The following CAD variants were observed in gnomAD, a reference collection of about 807,000 sequenced individuals.
The protein encoded by CAD is multifunctional protein CAD.
In CAD, 81 loss-of-function variants were observed where a neutral mutation model predicts 237.2. That is an observed-to-expected ratio of 0.34 (90% CI 0.29 to 0.41). The LOEUF (loss-of-function observed/expected upper bound fraction) is 0.41, where lower values mean the gene tolerates loss of function less well. Ranked by LOEUF, CAD falls within the 10% of genes least tolerant of loss-of-function variation. The pLI, the probability that CAD is intolerant of heterozygous loss-of-function variation, is 1.00. For synonymous variants in CAD, 1,196 were observed against 1,162.8 expected (o/e 1.03, Z -0.58); for missense variants, 2,181 against 2,951.7 (o/e 0.74, Z 6.05).
At chr2:27,224,102 T>C in intron 8 of CAD, 73 bp downstream of exon 8, 1 of 1,143,052 alleles carries the variant, frequency 8.7e-7, no homozygotes, top group Non-Finnish European at 1.3e-6. Flanking sequence ...AAGGTGGACA[T>C]GCCCTGGGCA....
chr2:27,236,020 T>G lies in CAD; in HGVS notation c.4075-264T>G. On this transcript the variant is annotated intron_variant, in intron 25 of 43. Coordinates refer to ENST00000264705, the MANE Select transcript of CAD (RefSeq NM_004341.5). This position sits in a 1 kb window ranked among gnomAD's most constrained non-coding sequence, Gnocchi z 4.1. Reference sequence around the variant, plus strand: ...AAATCTCTGTACCACTGTTCTGATATTTTTCCTTCCAGGATTTTCTCTGTG... The same window carrying G: ...AAATCTCTGTACCACTGTTCTGATAGTTTTCCTTCCAGGATTTTCTCTGTG... 1 of 541,542 alleles carries G rather than the reference T, an allele frequency of 1.8e-6. No individual in the cohort carries two copies. The highest frequency in any genetic ancestry group is 3.3e-6 in the Non-Finnish European group (1 of 306,244). 33.5% of individuals were successfully genotyped at this position (541,542 alleles called of 1,614,324 possible).
intron 3 of CAD, among the ~76,000 whole-genome samples, chr2:27,221,622 C>T (rs2148057783): frequency 6.6e-6 from 1 of 152,210 alleles, no homozygotes; most frequent in Middle Eastern, 3.4e-3. Context: ...GACATCATAT[C>T]ATTTCATCTA....
At chr2:27,218,073 T>G (rs530406817) in intron 2 of CAD, 57 bp downstream of exon 2, 2 of 1,486,156 alleles carry the variant, frequency 1.3e-6, no homozygotes, top group South Asian at 2.6e-5. Flanking sequence ...TTGTTAACTA[T>G]TAGTGAAGTA....
rs1675820010 is a variant in CAD at position 27,232,747 on chromosome 2, C to T, written c.2892+53C>T. 6.2e-7 allele frequency: 1 copy of T among 1,607,234 alleles called. No homozygotes were observed. The highest frequency in any genetic ancestry group is 8.5e-7 in the Non-Finnish European group (1 of 1,174,804). On this transcript the variant is annotated intron_variant, in intron 18 of 43. Coordinates refer to ENST00000264705, the MANE Select transcript of CAD (RefSeq NM_004341.5). The surrounding 1 kb of genome is among the most constrained non-coding windows in gnomAD (Gnocchi z 4.1). The stretch of plus-strand genomic sequence containing the variant: ...TCCTTGCTATTCTGTTCATCTCTAG[C>T]AATTGCTTGGCACTAATCCTGGCAT...
intron 14 of CAD, 33 bp from the exon 15 acceptor site, chr2:27,226,799 T>C: frequency 2.5e-6 from 4 of 1,613,172 alleles, no homozygotes. Context: ...CTTCCTTCAC[T>C]GTCCTTCTGG....
Position 27,226,286 on chromosome 2 carries a change from T to C in CAD, c.1998T>C (p.Asn666=), listed in dbSNP as rs1234330781. Residue 666 remains asparagine (N), a synonymous_variant, in exon 13 of 44, where the codon AAT becomes AAC. Transcript: ENST00000264705. ...ACCTGGGAATTGTTGGGGAGTGCAA[T>C]GTGCAGTATGCCTTGAACCCTGAGT... ...TQHLGIVGEC[N]VQYALNPESE... 6.2e-7 allele frequency: 1 copy of C among 1,614,188 alleles called. No homozygotes were observed. Among genetic ancestry groups the C allele is most frequent in the Admixed American group, 1.7e-5 (1 of 60,030 alleles).
At chr2:27,230,542 C>T (rs992652312) in intron 15 of CAD, among the ~76,000 whole-genome samples, 1 of 152,018 alleles carries the variant, frequency 6.6e-6, no homozygotes, top group African/African-American at 2.4e-5. Context: ...AGGAGAATCT[C>T]TTGAACCCAG....
chr2:27,225,450 G>C (rs1230788744), intron 11 of CAD, among the ~76,000 whole-genome samples: 1 of 151,858 alleles, frequency 6.6e-6, no homozygotes, highest in Non-Finnish European at 1.5e-5. Flanking sequence ...GGGATTACTG[G>C]CATGCGCCAC....
Position 27,235,337 on chromosome 2 carries a change from G to A in CAD, c.3879G>A (p.Glu1293=). The part of the protein sequence containing the change: ...TSTGEVAGFG[E]SRCEAYLKAM... The stretch of plus-strand genomic sequence containing the variant: ...CTGGGGAGGTGGCCGGCTTTGGGGA[G>A]AGCCGCTGTGAGGCATACCTCAAGG... The change falls in exon 24 of 44, where the codon GAG becomes GAA. Residue 1293 remains glutamate (E), a synonymous_variant. Transcript: ENST00000264705. This position sits in a 1 kb window ranked among gnomAD's most constrained non-coding sequence, Gnocchi z 5.2. 1 of 1,614,096 alleles carries A rather than the reference G, an allele frequency of 6.2e-7. No homozygotes were observed. The highest frequency in any genetic ancestry group is 8.5e-7 in the Non-Finnish European group (1 of 1,180,020).
At chr2:27,221,158 G>T in intron 2 of CAD, 60 bp from the exon 3 acceptor site, 1 of 1,446,102 alleles carries the variant, frequency 6.9e-7, no homozygotes, top group Non-Finnish European at 9.2e-7. Flanking sequence ...ACACAATCGG[G>T]AAAATGCTGC....
chr2:27,236,943 C>G lies in CAD; in HGVS notation c.4396+113C>G. The G allele has an allele frequency of 1.2e-6, 1 of 835,790 alleles. No homozygotes were observed. Among genetic ancestry groups the G allele is most frequent in the East Asian group, 2.4e-5 (1 of 40,992 alleles). The allele number at this position is 835,790 out of a possible 1,614,324, so 51.8% of individuals were successfully genotyped here. A position where few individuals can be genotyped will look rare whatever the true frequency, so the allele number is the denominator to read the frequency against. On this transcript the variant is annotated intron_variant, in intron 27 of 43. Coordinates refer to ENST00000264705, the MANE Select transcript of CAD (RefSeq NM_004341.5). This position sits in a 1 kb window ranked among gnomAD's most constrained non-coding sequence, Gnocchi z 4.1. ...CACTCTTTGTCCTGGACTGCACAGA[C>G]TGTGAAGACCCCAGAATGTTTCTCA...
Position 27,238,206 on chromosome 2 carries a change from T to G in CAD, c.4860+19T>G, listed in dbSNP as rs1379992704. ...GGAGGAGGTAAGAGTACACCTGAGA[T>G]CCTGCTGTCCCTGTTGCTTTCCCAG... On this transcript the variant is annotated intron_variant, in intron 30 of 43. Transcript: ENST00000264705. 1 of 1,612,830 alleles carries G rather than the reference T, an allele frequency of 6.2e-7. No homozygotes were observed. The highest frequency in any genetic ancestry group is 1.7e-5 in the Admixed American group (1 of 59,920).
chr2:27,231,253 G>T (rs1219779104), intron 15 of CAD, among the ~76,000 whole-genome samples: 1 of 152,142 alleles, frequency 6.6e-6, no homozygotes, highest in African/African-American at 2.4e-5. Flanking sequence ...TGATCCTTCC[G>T]CCTCAGCCTC....
chr2:27,234,771 A>C, intron 23 of CAD, 86 bp downstream of exon 23: 1 of 1,303,784 alleles, frequency 7.7e-7, no homozygotes, highest in South Asian at 1.4e-5. Flanking sequence ...TATGTAAACC[A>C]GGCACTGACT....
At position 27,223,604 on chromosome 2, in the gene CAD, G is replaced by T. The variant is rs1572425566; in HGVS notation, c.851G>T (p.Gly284Val). ...RGHNQPCLLVGSGRCFLTSQN... is the reference protein window; with the variant it reads ...RGHNQPCLLVVSGRCFLTSQN... ...CATAACCAGCCCTGCTTGTTGGTGG[G>T]CTCTGGGCGCTGCTTTCTGACATCC... The change falls in exon 7 of 44, where the codon GGC (glycine) becomes GTC (valine). Residue 284 changes from glycine (G) to valine (V), a missense_variant. By Grantham distance (109) the Gly-to-Val change is moderately radical (BLOSUM62 -3). This residue lies in a region of CAD where 129 missense variants were observed against 143.3 expected (regional missense o/e 0.90). Coordinates refer to ENST00000264705, the MANE Select transcript of CAD (RefSeq NM_004341.5). 2 of 1,613,580 alleles carry T rather than the reference G, an allele frequency of 1.2e-6. No individual in the cohort carries two copies. Among genetic ancestry groups the T allele is most frequent in the Non-Finnish European group, 1.7e-6 (2 of 1,180,024 alleles).
chr2:27,233,735 G>C lies in CAD; in HGVS notation c.3326G>C (p.Arg1109Pro), dbSNP rs1436443611. Residue 1109 changes from arginine to proline, a missense_variant, in exon 21 of 44, where the codon CGC (arginine) becomes CCC (proline). Transcript: ENST00000264705. This position sits in a 1 kb window ranked among gnomAD's most constrained non-coding sequence, Gnocchi z 6.3. The stretch of plus-strand genomic sequence containing the variant: ...GCCTACACGGATGGAGACCTGGAGC[G>C]CTTCCTGAGCAGCGCAGCAGCCGTC... Reference protein sequence around the residue: ...NVAYTDGDLERFLSSAAAVSK... With the variant: ...NVAYTDGDLEPFLSSAAAVSK... The C allele has an allele frequency of 6.2e-7, 1 of 1,613,984 alleles. No individual in the cohort carries two copies. The highest frequency in any genetic ancestry group is 1.7e-5 in the Admixed American group (1 of 60,006).
chr2:27,223,861 C>A, intron 7 of CAD, 56 bp from the exon 8 acceptor site: 1 of 1,543,056 alleles, frequency 6.5e-7, no homozygotes, highest in Non-Finnish European at 9.0e-7. Flanking sequence ...CACCTCGAGG[C>A]TGCCAGTGTC....
At chr2:27,228,669 A>G (rs1464218409) in intron 15 of CAD, among the ~76,000 whole-genome samples, 2 of 150,948 alleles carry the variant, frequency 1.3e-5, no homozygotes, top group Non-Finnish European at 3.0e-5. Flanking sequence ...TCGGCTCACC[A>G]CAATCTCTGC....
In CAD at chr2:27,240,184, A is replaced by G; in HGVS notation, c.5497-81A>G. The G allele has an allele frequency of 1.7e-6, 2 of 1,157,766 alleles. No individual in the cohort carries two copies. Among genetic ancestry groups the G allele is most frequent in the South Asian group, 1.3e-5 (1 of 77,162 alleles). 71.7% of individuals were successfully genotyped at this position (1,157,766 alleles called of 1,614,324 possible). On this transcript the variant is annotated intron_variant, in intron 34 of 43. Transcript: ENST00000264705. The surrounding 1 kb of genome is among the most constrained non-coding windows in gnomAD (Gnocchi z 4.6). ...TGAACCCAGAAGGTCACGCCACTGC[A>G]CTCCAGCCTGAGCGACAGAACGAGA...
Sources: allele counts gnomAD v4.1 joint callset (sites outside exome capture counted in the v4.1 genomes callset), GRCh38; gene constraint gnomAD v4.1.1; regional missense constraint gnomAD v4.1.1; non-coding constraint Gnocchi (gnomAD v3.1); transcripts MANE v1.5; gene names NCBI Gene and HGNC (gene_info 2026-07-23, HGNC 2026-07-21).